The following HGD variants were observed in gnomAD, a reference collection of about 807,000 sequenced individuals.
HGD encodes homogentisate oxidase.
HGD carries 61 observed loss-of-function variants against 60.8 expected under a neutral mutation model. That is an observed-to-expected ratio of 1.00 (90% confidence interval 0.82 to 1.24). The LOEUF is 1.24. HGD is among the 50% of genes most tolerant of loss of function. The pLI, the probability that HGD is intolerant of heterozygous loss-of-function variation, is 0.00. For missense variants in HGD, 542 were observed against 547.1 expected (o/e 0.99, Z 0.09); for synonymous variants, 212 against 187.7 (o/e 1.13, Z -1.06).
In HGD at chr3:120,675,843, A is replaced by G; in HGVS notation, c.36T>C (p.Asn12=). 6.2e-7 allele frequency: 1 copy of G among 1,613,618 alleles called. No individual in the cohort carries two copies. The highest frequency in any genetic ancestry group is 8.5e-7 in the Non-Finnish European group (1 of 1,179,558). The change falls in exon 2 of 14, where the codon AAT becomes AAC. Residue 12 remains asparagine, a synonymous_variant. Transcript: ENST00000283871. ...AELKYISGFG[N]ECSSEDPRCP... is the part of the protein sequence containing the mutation. ...AGCGAGGATCCTCTGAAGAACACTCATTCCCAAATCCAGAAATGTACTGTA... is the reference window on the plus strand; with the variant it reads ...AGCGAGGATCCTCTGAAGAACACTCGTTCCCAAATCCAGAAATGTACTGTA...
At chr3:120,643,563 G>T (rs1405190251) in intron 10 of HGD, among the ~76,000 whole-genome samples, 1 of 152,168 alleles carries the variant, frequency 6.6e-6, no homozygotes, top group Non-Finnish European at 1.5e-5. Flanking sequence ...AAACTGGTTG[G>T]CCTCGGCTGG....
intron 4 of HGD, among the ~76,000 whole-genome samples, chr3:120,663,391 C>T (rs762419864): frequency 2.6e-5 from 4 of 152,030 alleles, no homozygotes; most frequent in Non-Finnish European, 5.9e-5. Context: ...TTCCACGTGG[C>T]TAGGAAAGCC....
intron 9 of HGD, among the ~76,000 whole-genome samples, chr3:120,645,933 C>T (rs1294978685): frequency 6.6e-6 from 1 of 152,206 alleles, no homozygotes; most frequent in African/African-American, 2.4e-5. Flanking sequence ...ATTCTCATCT[C>T]TTCTGTGGAG....
intron 4 of HGD, among the ~76,000 whole-genome samples, chr3:120,661,959 G>A (rs1707778325): frequency 6.6e-6 from 1 of 152,206 alleles, no homozygotes; most frequent in South Asian, 2.1e-4. Context: ...TAAATACTCT[G>A]AGAAATATTG....
At chr3:120,645,771 A>G (rs1941138006) in intron 9 of HGD, among the ~76,000 whole-genome samples, 1 of 152,214 alleles carries the variant, frequency 6.6e-6, no homozygotes, top group South Asian at 2.1e-4. Context: ...TATGCAAAAC[A>G]AAAAGCAATC....
intron 1 of HGD, among the ~76,000 whole-genome samples, chr3:120,679,411 T>C (rs1232122379): frequency 1.3e-5 from 2 of 152,100 alleles, no homozygotes; most frequent in Non-Finnish European, 2.9e-5. Flanking sequence ...GATGGGAACA[T>C]AGAACATAGA....
At chr3:120,656,725 T>C (rs943221198) in intron 4 of HGD, among the ~76,000 whole-genome samples, 3 of 152,106 alleles carry the variant, frequency 2.0e-5, no homozygotes, top group Non-Finnish European at 4.4e-5. Flanking sequence ...GTAGTTTTTG[T>C]ATTTTTAGTA....
intron 13 of HGD, among the ~76,000 whole-genome samples, chr3:120,631,581 T>C (rs1227395571): frequency 6.6e-6 from 1 of 152,254 alleles, no homozygotes; most frequent in Admixed American, 6.5e-5. Flanking sequence ...TATTGTCTCT[T>C]TGCTGACTGC....
At chr3:120,670,639 C>T (rs1708006519) in intron 3 of HGD, 107 bp from the exon 4 acceptor site, 8 of 763,226 alleles carry the variant, frequency 1.0e-5, no homozygotes, top group Admixed American at 1.8e-5. Context: ...TCAACAACGA[C>T]CTGTAGGCTC....
chr3:120,645,702 C>T, intron 9 of HGD, among the ~76,000 whole-genome samples: 1 of 152,146 alleles, frequency 6.6e-6, no homozygotes, highest in East Asian at 1.9e-4. Flanking sequence ...CCCAGTCCAT[C>T]CCTCCTTTCC....
chr3:120,677,571 T>C (rs1708154919), intron 1 of HGD, among the ~76,000 whole-genome samples: 1 of 152,218 alleles, frequency 6.6e-6, no homozygotes, highest in African/African-American at 2.4e-5. Context: ...TAAGATGTTA[T>C]CAATGACAAT....
At chr3:120,640,699 C>G (rs1940942045) in intron 11 of HGD, among the ~76,000 whole-genome samples, 1 of 152,158 alleles carries the variant, frequency 6.6e-6, no homozygotes, top group Non-Finnish European at 1.5e-5. Flanking sequence ...ACAAATAAAG[C>G]TTTATCAGTG....
chr3:120,631,207 A>T (rs1940581873), intron 13 of HGD, among the ~76,000 whole-genome samples: 1 of 152,096 alleles, frequency 6.6e-6, no homozygotes, highest in Non-Finnish European at 1.5e-5. Flanking sequence ...ACAAATCTTC[A>T]CATGTACCCC....
chr3:120,674,491 C>A (rs964161734), intron 3 of HGD: 15 of 224,108 alleles, frequency 6.7e-5, no homozygotes, highest in African/African-American at 2.9e-4. Flanking sequence ...AAGAACATAC[C>A]TCTAGTCAGC....
chr3:120,678,430 T>G (rs1708173068), intron 1 of HGD, among the ~76,000 whole-genome samples: 1 of 152,156 alleles, frequency 6.6e-6, no homozygotes, highest in Non-Finnish European at 1.5e-5. Context: ...AAGGCTGGAG[T>G]ACAGCTGAGC....
chr3:120,628,433 G>A lies in HGD; in HGVS notation c.1285C>T (p.Pro429Ser). The A allele has an allele frequency of 1.2e-6, 2 of 1,614,050 alleles. No individual in the cohort carries two copies. Among genetic ancestry groups the A allele is most frequent in the Non-Finnish European group, 1.7e-6 (2 of 1,179,970 alleles). Residue 429 changes from proline to serine, a missense_variant, in exon 14 of 14, where the codon CCA becomes TCA. Physicochemically the swap from Pro to Ser is moderately conservative, Grantham distance 74. Coordinates refer to ENST00000283871, the MANE Select transcript of HGD (RefSeq NM_000187.4). ...TTGGGAGTGAAGTGGCTCTTGAGTG[G>A]CTCCCAGCACTTGTGGTAGTTCTCA... ...LDENYHKCWE[P>S]LKSHFTPNSR...
At chr3:120,630,694 C>A in intron 13 of HGD, among the ~76,000 whole-genome samples, 1 of 151,226 alleles carries the variant, frequency 6.6e-6, no homozygotes, top group South Asian at 2.1e-4. Flanking sequence ...CTAGGCAATA[C>A]CATTCAGGAC....
chr3:120,646,994 G>A lies in HGD; in HGVS notation c.528C>T (p.Pro176=), dbSNP rs1373464419. The part of the protein sequence containing the change: ...YTEFGKMLVQ[P]NEICVIQRGM... ...CAACCTGAATGACGCAGATCTCATTGGGCTGTACAAGCATCTTGCCAAACT... is the reference window on the plus strand; with the variant it reads ...CAACCTGAATGACGCAGATCTCATTAGGCTGTACAAGCATCTTGCCAAACT... Residue 176 remains proline (P), a synonymous_variant, in exon 8 of 14, where the codon CCC becomes CCT. Coordinates refer to ENST00000283871, the MANE Select transcript of HGD (RefSeq NM_000187.4). The A allele has an allele frequency of 1.2e-6, 2 of 1,613,942 alleles. No individual in the cohort carries two copies. Among genetic ancestry groups the A allele is most frequent in the Non-Finnish European group, 1.7e-6 (2 of 1,179,866 alleles).
chr3:120,630,097 A>G (rs1940536010), intron 13 of HGD, among the ~76,000 whole-genome samples: 1 of 152,224 alleles, frequency 6.6e-6, no homozygotes, highest in African/African-American at 2.4e-5. Flanking sequence ...AATGAGAATT[A>G]CAAAACACTG....
Sources: allele counts gnomAD v4.1 joint callset (sites outside exome capture counted in the v4.1 genomes callset), GRCh38; gene constraint gnomAD v4.1.1; transcripts MANE v1.5; gene names NCBI Gene and HGNC (gene_info 2026-07-23, HGNC 2026-07-21).